SUSD6: variants seen among roughly 807,000 people sequenced by gnomAD.
SUSD6 encodes the protein sushi domain containing 6.
A neutral mutation model predicts 28.4 loss-of-function variants in SUSD6; 16 were observed. The ratio of observed to expected loss-of-function variants is 0.56; its 90% confidence interval spans 0.38 to 0.86. The LOEUF is 0.86. Ranked by LOEUF, SUSD6 falls within the 40% of genes least tolerant of loss-of-function variation. The pLI, the probability that SUSD6 is intolerant of heterozygous loss-of-function variation, is 0.00. For synonymous variants in SUSD6, 147 were observed against 159.6 expected (o/e 0.92, Z 0.59); for missense variants, 341 against 384.2 (o/e 0.89, Z 0.94).
intron 2 of SUSD6, among the ~76,000 whole-genome samples, chr14:69,664,543 CT>C (rs1231647247): frequency 2.0e-5 from 3 of 152,124 alleles, no homozygotes; most frequent in Non-Finnish European, 4.4e-5. Flanking sequence ...TGGTAGGAGG[CT>C]GGATGGGTCA....
In SUSD6 at chr14:69,708,861, C is replaced by A. The variant is rs1306321809; in HGVS notation, c.643C>A (p.Gln215Lys). 6.2e-7 allele frequency: 1 copy of A among 1,613,972 alleles called. No homozygotes were observed. The highest frequency in any genetic ancestry group is 8.5e-7 in the Non-Finnish European group (1 of 1,180,000). Residue 215 changes from glutamine to lysine, a missense_variant, in exon 5 of 6, where the codon CAA becomes AAA. Physicochemically the swap from Gln to Lys is moderately conservative, Grantham distance 53. Coordinates refer to ENST00000342745, the MANE Select transcript of SUSD6 (RefSeq NM_014734.4). ...GPSGRSVPRE[Q>K]QLPDQGACSS... ...CAGTGGGAGGAGCGTGCCAAGGGAG[C>A]AACAGCTGCCGGACCAAGGGGCCTG...
At chr14:69,662,214 G>A (rs1885673302) in intron 2 of SUSD6, among the ~76,000 whole-genome samples, 2 of 152,238 alleles carry the variant, frequency 1.3e-5, no homozygotes, top group South Asian at 2.1e-4. Flanking sequence ...GGCTATATGC[G>A]TGTGTACAGG....
At chr14:69,639,455 C>G (rs1239940842) in intron 1 of SUSD6, among the ~76,000 whole-genome samples, 1 of 151,792 alleles carries the variant, frequency 6.6e-6, no homozygotes, top group Non-Finnish European at 1.5e-5. Context: ...TGTTACATGT[C>G]CAGAATCACA....
intron 1 of SUSD6, among the ~76,000 whole-genome samples, chr14:69,614,357 G>A (rs980973263): frequency 8.5e-5 from 13 of 152,196 alleles, no homozygotes; most frequent in Admixed American, 2.0e-4. Flanking sequence ...GTGAGCCACC[G>A]TGCCCGGCCT....
At chr14:69,701,846 GAAAAGA>G (rs891250302) in intron 2 of SUSD6, among the ~76,000 whole-genome samples, 1 of 152,078 alleles carries the variant, frequency 6.6e-6, no homozygotes. Context: ...CCTAAAAAAA[GAAAAGA>G]AAAAGTGCCT....
At chr14:69,662,108 C>T (rs1885670864) in intron 2 of SUSD6, among the ~76,000 whole-genome samples, 2 of 152,158 alleles carry the variant, frequency 1.3e-5, no homozygotes, top group South Asian at 4.1e-4. Context: ...CTTACCTGTT[C>T]TTATAGCTGC....
At chr14:69,656,729 C>T (rs1254551845) in intron 1 of SUSD6, among the ~76,000 whole-genome samples, 2 of 152,234 alleles carry the variant, frequency 1.3e-5, no homozygotes, top group Non-Finnish European at 2.9e-5. Flanking sequence ...CCCTATTTTA[C>T]AGATGAGGAG....
At chr14:69,708,611 T>A in intron 4 of SUSD6, 66 bp from the exon 5 acceptor site, 1 of 1,340,196 alleles carries the variant, frequency 7.5e-7, no homozygotes, top group Non-Finnish European at 1.0e-6. Flanking sequence ...GCTATTATTA[T>A]TATCATGCCT....
chr14:69,693,776 G>A (rs939517047), intron 2 of SUSD6, among the ~76,000 whole-genome samples: 2 of 152,212 alleles, frequency 1.3e-5, no homozygotes, highest in Non-Finnish European at 2.9e-5. Flanking sequence ...CAAGGCTGCA[G>A]AGCAGGCCCC....
chr14:69,686,608 A>C (rs1886077761), intron 2 of SUSD6, among the ~76,000 whole-genome samples: 1 of 152,242 alleles, frequency 6.6e-6, no homozygotes, highest in South Asian at 2.1e-4. Flanking sequence ...AAAGCCTCCC[A>C]ATCATGGTGG....
rs993035831 is a variant in SUSD6, at chr14:69,712,659, T to C, written c.*1680T>C. 4 of 152,412 alleles carry C rather than the reference T, an allele frequency of 2.6e-5. No homozygotes were observed. The highest frequency in any genetic ancestry group is 4.4e-5 in the Non-Finnish European group (3 of 68,168). The allele number at this position is 152,412 out of a possible 1,614,324, so 9.4% of individuals were successfully genotyped here. On this transcript the variant is annotated 3_prime_UTR_variant, in exon 6 of 6. Transcript: ENST00000342745. ...CTAGAAGATGAGGGGAGTGGTCTTCTCCCAGCCTTTTACCCTCTTGCCTCC... is the reference window on the plus strand; with the variant it reads ...CTAGAAGATGAGGGGAGTGGTCTTCCCCCAGCCTTTTACCCTCTTGCCTCC...
chr14:69,652,519 C>T (rs1400690783), intron 1 of SUSD6, among the ~76,000 whole-genome samples: 7 of 152,138 alleles, frequency 4.6e-5, no homozygotes, highest in East Asian at 1.9e-4. Flanking sequence ...ACTTTACCCA[C>T]GCAGCACCTG....
At chr14:69,689,487 A>G (rs1886123199) in intron 2 of SUSD6, among the ~76,000 whole-genome samples, 1 of 152,176 alleles carries the variant, frequency 6.6e-6, no homozygotes, top group South Asian at 2.1e-4. Flanking sequence ...GGGGCTCCTT[A>G]TCTGTATTCC....
chr14:69,709,563 C>T (rs2139649075), intron 5 of SUSD6, among the ~76,000 whole-genome samples: 1 of 152,318 alleles, frequency 6.6e-6, no homozygotes, highest in East Asian at 1.9e-4. Context: ...CTTGCACTAT[C>T]TCAGTTAAAC....
rs772465409 is a variant in SUSD6, at chr14:69,703,387, CT to C, written c.122-5del. ...CACTGTACCCCTGCTCTCTCCCTGTCTTTGCAGTGTGCCCCCTACCACCGGA... is the reference window on the plus strand; with the variant it reads ...CACTGTACCCCTGCTCTCTCCCTGTCTTGCAGTGTGCCCCCTACCACCGGA... On this transcript the variant is annotated splice_polypyrimidine_tract_variant and splice_region_variant and intron_variant, in intron 2 of 5. Transcript: ENST00000342745. The C allele has an allele frequency of 4.3e-6, 7 of 1,612,054 alleles. No homozygotes were observed. Among genetic ancestry groups the C allele is most frequent in the African/African-American group, 1.3e-5 (1 of 75,024 alleles).
chr14:69,633,077 G>C (rs1356418333), intron 1 of SUSD6, among the ~76,000 whole-genome samples: 5 of 152,302 alleles, frequency 3.3e-5, no homozygotes, highest in Admixed American at 3.3e-4. Flanking sequence ...CTATGGTAGA[G>C]GTGTTCCTTC....
chr14:69,612,516 T>G (rs76671603), intron 1 of SUSD6, among the ~76,000 whole-genome samples: 8,064 of 152,168 alleles, frequency 0.053, 736 homozygotes, highest in African/African-American at 0.18. Flanking sequence ...CTCTCCCTCA[T>G]GGGAGTCGTG....
intron 3 of SUSD6, chr14:69,703,860 G>A: frequency 1.9e-6 from 1 of 531,906 alleles, no homozygotes; most frequent in African/African-American, 1.9e-5. Context: ...GCATGGCCAA[G>A]TGTTGGTGAC....
chr14:69,668,931 T>C (rs1885786923), intron 2 of SUSD6, among the ~76,000 whole-genome samples: 1 of 152,022 alleles, frequency 6.6e-6, no homozygotes, highest in Admixed American at 6.5e-5. Context: ...GATTGAAAGC[T>C]TCTTGAGGCC....
Sources: allele counts gnomAD v4.1 joint callset (sites outside exome capture counted in the v4.1 genomes callset), GRCh38; gene constraint gnomAD v4.1.1; transcripts MANE v1.5; gene names NCBI Gene and HGNC (gene_info 2026-07-23, HGNC 2026-07-21).